The following ATRNL1 variants were observed in gnomAD, a reference collection of about 807,000 sequenced individuals.
The protein encoded by ATRNL1 is attractin like 1, also known as attractin-like protein 1.
In ATRNL1, 95 loss-of-function variants were observed where a neutral mutation model predicts 182.7. That is an observed-to-expected ratio of 0.52 (90% CI 0.44 to 0.62). The LOEUF is 0.62. Ranked by LOEUF, ATRNL1 falls within the 20% of genes least tolerant of loss-of-function variation. The pLI is 0.00. For missense variants in ATRNL1, 1,471 were observed against 1,679.5 expected, an observed-to-expected ratio of 0.88 and a Z score of 2.17; for synonymous variants, 576 against 568.3, an observed-to-expected ratio of 1.01 and a Z score of -0.19.
intron 1 of ATRNL1, among the ~76,000 whole-genome samples, chr10:115,116,038 T>G (rs914655478): frequency 2.0e-5 from 3 of 152,048 alleles, no homozygotes; most frequent in Admixed American, 1.3e-4. Context: ...ATTGGCAAAC[T>G]TTTTCTGAAA....
rs782408781 is a variant in ATRNL1, at chr10:115,315,766, G to C, written c.3037+30G>C. 1.6e-5 allele frequency: 26 copies of C among 1,576,044 alleles called. No homozygotes were observed. In the Admixed American group the frequency reaches 1.9e-4, roughly 11 times the overall value. ...TAATAATGTAATGGAAACAATTTCA[G>C]TTTCTGCTTAAGGGATCCAAGAAGG... is the stretch of plus-strand genomic sequence containing the variant. On this transcript the variant is annotated intron_variant, in intron 18 of 28. Coordinates refer to ENST00000355044, the MANE Select transcript of ATRNL1 (RefSeq NM_207303.4).
At chr10:115,920,234 T>C (rs1456316729) in intron 28 of ATRNL1, among the ~76,000 whole-genome samples, 1 of 152,206 alleles carries the variant, frequency 6.6e-6, no homozygotes, top group Non-Finnish European at 1.5e-5. Flanking sequence ...TGAACTCTCT[T>C]TATTTTCACC....
intron 26 of ATRNL1, among the ~76,000 whole-genome samples, chr10:115,621,404 A>T (rs1271064299): frequency 6.6e-6 from 1 of 151,624 alleles, no homozygotes; most frequent in African/African-American, 2.4e-5. Flanking sequence ...TCCTGGGCTC[A>T]GGGAATCCTC....
chr10:115,334,468 T>C (rs1554936110), intron 19 of ATRNL1, 49 bp downstream of exon 19: 6 of 1,412,014 alleles, frequency 4.2e-6, no homozygotes, highest in African/African-American at 1.4e-5. Context: ...AAGGAAAAGA[T>C]AATTAAGAAA....
intron 16 of ATRNL1, among the ~76,000 whole-genome samples, 160 bp from the exon 17 acceptor site, chr10:115,301,695 G>T (rs1350423144): frequency 6.6e-6 from 1 of 152,130 alleles, no homozygotes; most frequent in Non-Finnish European, 1.5e-5. Flanking sequence ...ATTTTAAGAA[G>T]TATTGATATA....
At chr10:115,387,475 A>G (rs1858429944) in intron 19 of ATRNL1, among the ~76,000 whole-genome samples, 1 of 152,224 alleles carries the variant, frequency 6.6e-6, no homozygotes, top group African/African-American at 2.4e-5. Flanking sequence ...CAATTCAGGT[A>G]ACACAAAATT....
intron 26 of ATRNL1, among the ~76,000 whole-genome samples, chr10:115,565,691 A>G (rs1438446057): frequency 1.3e-5 from 2 of 152,108 alleles, no homozygotes; most frequent in Admixed American, 6.6e-5. Context: ...TCAAATCTAT[A>G]CTTGGTAAGT....
chr10:115,920,854 AAAG>A (rs781982852), intron 28 of ATRNL1, among the ~76,000 whole-genome samples: 10 of 152,376 alleles, frequency 6.6e-5, no homozygotes, highest in South Asian at 6.2e-4. Context: ...TTTTTAAGAG[AAAG>A]AAGAAGTTAA....
At chr10:115,902,349 T>C (rs1254734928) in intron 28 of ATRNL1, among the ~76,000 whole-genome samples, 1 of 152,172 alleles carries the variant, frequency 6.6e-6, no homozygotes, top group Non-Finnish European at 1.5e-5. Flanking sequence ...CTACATATTA[T>C]CTTCTTTTAA....
intron 28 of ATRNL1, among the ~76,000 whole-genome samples, chr10:115,913,790 C>A (rs1431856286): frequency 6.6e-6 from 1 of 152,148 alleles, no homozygotes; most frequent in Admixed American, 6.5e-5. Flanking sequence ...TTGGGGCTAT[C>A]CAGACTGCTC....
chr10:115,103,025 G>A (rs115693806), intron 1 of ATRNL1, among the ~76,000 whole-genome samples: 1,745 of 141,806 alleles, frequency 0.012, 39 homozygotes, highest in African/African-American at 0.044. Context: ...CAGATTCTGT[G>A]TATATATTTT....
intron 1 of ATRNL1, among the ~76,000 whole-genome samples, chr10:115,116,499 C>G (rs1041875990): frequency 6.6e-6 from 1 of 151,862 alleles, no homozygotes; most frequent in African/African-American, 2.4e-5. Flanking sequence ...TCCTGGAGTG[C>G]AAGACTTCTG....
chr10:115,521,218 A>C (rs1850915918), intron 25 of ATRNL1, among the ~76,000 whole-genome samples: 1 of 151,492 alleles, frequency 6.6e-6, no homozygotes, highest in South Asian at 2.1e-4. Context: ...CAGTGGCGCT[A>C]TTTCGGCTCA....
chr10:115,397,569 T>C (rs993317689), intron 20 of ATRNL1, among the ~76,000 whole-genome samples: 3 of 151,958 alleles, frequency 2.0e-5, no homozygotes, highest in Non-Finnish European at 4.4e-5. Context: ...ATGAAGAAAG[T>C]ATTGATGGAG....
At chr10:115,541,287 T>A (rs1565149340) in intron 25 of ATRNL1, among the ~76,000 whole-genome samples, 1 of 151,490 alleles carries the variant, frequency 6.6e-6, no homozygotes, top group Non-Finnish European at 1.5e-5. Flanking sequence ...GACATCCAAG[T>A]GTCCAACAAA....
intron 26 of ATRNL1, among the ~76,000 whole-genome samples, chr10:115,572,951 A>G (rs1410305): frequency 0.49 from 74,409 of 151,790 alleles, 19,365 homozygotes; most frequent in East Asian, 0.84. Flanking sequence ...TTGGGCTCCA[A>G]CTCCACTGTA....
intron 25 of ATRNL1, among the ~76,000 whole-genome samples, chr10:115,535,306 T>C (rs1331371618): frequency 6.6e-6 from 1 of 152,130 alleles, no homozygotes; most frequent in Non-Finnish European, 1.5e-5. Flanking sequence ...TTTGTTCGTT[T>C]CTTTTTATTC....
intron 19 of ATRNL1, among the ~76,000 whole-genome samples, chr10:115,392,352 C>T (rs1161647146): frequency 6.6e-6 from 1 of 151,950 alleles, no homozygotes; most frequent in African/African-American, 2.4e-5. Flanking sequence ...ATACATTTTT[C>T]CCTTGATCTT....
At chr10:115,135,341 C>T (rs1451616173) in intron 5 of ATRNL1, among the ~76,000 whole-genome samples, 1 of 152,200 alleles carries the variant, frequency 6.6e-6, no homozygotes, top group Admixed American at 6.5e-5. Flanking sequence ...AGCAAAGTCT[C>T]AGGATACAAA....
Sources: gnomAD v4.1 joint callset for allele counts (sites outside exome capture counted in the v4.1 genomes callset) on GRCh38, gnomAD v4.1.1 for gene constraint, MANE v1.5 for transcripts, NCBI Gene and HGNC (gene_info 2026-07-23, HGNC 2026-07-21) for gene names.